The following TMEM117 variants were observed in gnomAD, a reference collection of about 807,000 sequenced individuals.
TMEM117 encodes transmembrane protein 117.
A neutral mutation model predicts 52.4 loss-of-function variants in TMEM117; 27 were observed. The observed-to-expected ratio is 0.51, with a 90% confidence interval of 0.38 to 0.71. The LOEUF (loss-of-function observed/expected upper bound fraction) is 0.71, where lower values mean the gene tolerates loss of function less well. TMEM117 is among the 30% of genes least tolerant of loss of function. TMEM117 has a pLI of 0.00. For missense variants in TMEM117, 556 were observed against 630.5 expected (o/e 0.88, Z 1.26); for synonymous variants, 215 against 206.3 (o/e 1.04, Z -0.36).
rs538494474 is a variant in TMEM117 at position 44,353,102 on chromosome 12, C to A, written c.769-23493C>A. ...GGCTGCATAAATGTCTTCTTTTGAG[C>A]GGTGTCTGTTCATATCCTTTGCCCA... On this transcript the variant is annotated intron_variant, in intron 6 of 7. Transcript: ENST00000266534. Among the ~76,000 whole-genome samples, 171 of 152,066 alleles carry A rather than the reference C, an allele frequency of 1.1e-3. 1 individual carries two copies. Among genetic ancestry groups the A allele is most frequent in the South Asian group, 5.0e-3 (24 of 4,810 alleles).
chr12:44,281,020 T>A (rs1950570566), intron 5 of TMEM117, among the ~76,000 whole-genome samples: 1 of 152,158 alleles, frequency 6.6e-6, no homozygotes, highest in Non-Finnish European at 1.5e-5. Context: ...TTCCCAGTTT[T>A]TCCTGAATTA....
At chr12:44,059,958 T>G (rs1294598428) in intron 3 of TMEM117, among the ~76,000 whole-genome samples, 2 of 152,238 alleles carry the variant, frequency 1.3e-5, no homozygotes, top group East Asian at 3.8e-4. Context: ...AATAGCTGTA[T>G]GATTCTGCTA....
chr12:44,394,571 C>A (rs1952173148), downstream of TMEM117, among the ~76,000 whole-genome samples: 1 of 152,176 alleles, frequency 6.6e-6, no homozygotes, highest in South Asian at 2.1e-4. Context: ...TGGTCATAAT[C>A]CCTTGGAGCT....
chr12:44,274,755 G>A lies in TMEM117; in HGVS notation c.609-24825G>A, dbSNP rs556983166. ...CTAGGAAAACTGGATATAAATACTC[G>A]GAAGAATGAAATTAGACCCCTATCT... On this transcript the variant is annotated intron_variant, in intron 5 of 7. Transcript: ENST00000266534. Among the ~76,000 whole-genome samples, 33 of 151,964 alleles carry A rather than the reference G, an allele frequency of 2.2e-4. No individual in the cohort carries two copies. The East Asian group carries it at 2.3e-3, about 11-fold the overall frequency.
chr12:44,094,355 T>G (rs1565824714), intron 3 of TMEM117, among the ~76,000 whole-genome samples: 1 of 151,992 alleles, frequency 6.6e-6, no homozygotes, highest in Non-Finnish European at 1.5e-5. Context: ...TGGACAGAAG[T>G]GAGTGGAATG....
At chr12:44,362,404 T>G (rs1951732835) in intron 6 of TMEM117, among the ~76,000 whole-genome samples, 1 of 152,158 alleles carries the variant, frequency 6.6e-6, no homozygotes, top group Non-Finnish European at 1.5e-5. Context: ...AATTATTCTG[T>G]GTATGTAGTT....
At chr12:44,166,163 C>T (rs189442979) in intron 4 of TMEM117, among the ~76,000 whole-genome samples, 1 of 152,172 alleles carries the variant, frequency 6.6e-6, no homozygotes, top group African/African-American at 2.4e-5. Context: ...AAAAATAGTT[C>T]TTGAAACAAA....
At chr12:43,898,710 A>C (rs1675781) in intron 2 of TMEM117, among the ~76,000 whole-genome samples, 109,008 of 152,062 alleles carry the variant, frequency 0.72, 42,180 homozygotes, top group East Asian at 0.87. Flanking sequence ...TTCACAATGT[A>C]CAACACAGTA....
chr12:43,826,298 C>G, the TMEM117 span, among the ~76,000 whole-genome samples: 1 of 152,216 alleles, frequency 6.6e-6, no homozygotes, highest in Non-Finnish European at 1.5e-5. Flanking sequence ...GTGCCAGGCA[C>G]TCTTTTAAGT....
chr12:44,087,440 GTA>G (rs1202283185), intron 3 of TMEM117, among the ~76,000 whole-genome samples: 1 of 150,450 alleles, frequency 6.6e-6, no homozygotes, highest in African/African-American at 2.5e-5. Context: ...ATGTGTGTAT[GTA>G]TGTATGTATG....
chr12:43,873,287 C>T (rs1383315366), intron 2 of TMEM117, among the ~76,000 whole-genome samples: 2 of 63,984 alleles, frequency 3.1e-5, no homozygotes, highest in Non-Finnish European at 1.0e-4. Context: ...ATTAGGCAAA[C>T]TTAAGTGTTG....
At chr12:44,103,834 T>G (rs1449190923) in intron 3 of TMEM117, among the ~76,000 whole-genome samples, 1 of 152,094 alleles carries the variant, frequency 6.6e-6, no homozygotes, top group African/African-American at 2.4e-5. Context: ...TGACTTTTTA[T>G]CTAGTCTTCA....
At chr12:44,122,505 C>T (rs558720286) in intron 3 of TMEM117, among the ~76,000 whole-genome samples, 23 of 152,274 alleles carry the variant, frequency 1.5e-4, no homozygotes, top group African/African-American at 5.3e-4. Flanking sequence ...ATCATCCCAT[C>T]ACTCAGATAT....
chr12:43,845,505 T>C (rs1162080106), intron 2 of TMEM117, among the ~76,000 whole-genome samples: 1 of 139,956 alleles, frequency 7.1e-6, no homozygotes, highest in Non-Finnish European at 1.6e-5. Context: ...ATAAAATGAA[T>C]ATATACCTAG....
Position 44,239,879 on chromosome 12 carries a change from C to CT in TMEM117, c.608+28500dup, listed in dbSNP as rs200737265. Among the ~76,000 whole-genome samples the CT allele has an allele frequency of 2.3e-3, 354 of 151,870 alleles. 12 individuals carry two copies. The East Asian group carries it at 0.035, about 15-fold the overall frequency. ...GTGGCTGAGATACTACCTCATATGA[C>CT]TTTTTTTTAAATTTCAGTTGTAAAG... On this transcript the variant is annotated intron_variant, in intron 5 of 7. Coordinates refer to ENST00000266534, the MANE Select transcript of TMEM117 (RefSeq NM_032256.3).
At chr12:43,995,309 A>C (rs1298464608) in intron 3 of TMEM117, among the ~76,000 whole-genome samples, 1 of 151,744 alleles carries the variant, frequency 6.6e-6, no homozygotes, top group East Asian at 1.9e-4. Flanking sequence ...CAGAGCTTGC[A>C]AAACTGGCCT....
At chr12:43,897,823 C>T (rs1449281386) in intron 2 of TMEM117, among the ~76,000 whole-genome samples, 1 of 152,012 alleles carries the variant, frequency 6.6e-6, no homozygotes, top group East Asian at 1.9e-4. Context: ...GTTGGCCAGG[C>T]TGGTCTCAAA....
At chr12:43,858,898 C>T (rs1192435752) in intron 2 of TMEM117, among the ~76,000 whole-genome samples, 2 of 152,078 alleles carry the variant, frequency 1.3e-5, no homozygotes, top group Non-Finnish European at 1.5e-5. Context: ...TGAGCCTCTG[C>T]CTTTTAGGAG....
At chr12:43,809,497 C>T in the TMEM117 span, among the ~76,000 whole-genome samples, 2 of 152,100 alleles carry the variant, frequency 1.3e-5, no homozygotes, top group Admixed American at 6.6e-5. Context: ...TATGAATGCT[C>T]AATGTATGTT....
Sources: gnomAD v4.1 joint callset for allele counts (sites outside exome capture counted in the v4.1 genomes callset) on GRCh38, gnomAD v4.1.1 for gene constraint, MANE v1.5 for transcripts, NCBI Gene and HGNC (gene_info 2026-07-23, HGNC 2026-07-21) for gene names.